Variants in ST6GALNAC3 observed in about 807,000 individuals in gnomAD.
ST6GALNAC3 encodes alpha-N-acetylgalactosaminide alpha-2,6-sialyltransferase 3.
A neutral mutation model predicts 32.7 loss-of-function variants in ST6GALNAC3; 25 were observed. The ratio of observed to expected loss-of-function variants is 0.76; its 90% CI spans 0.56 to 1.07. The LOEUF is 1.07. Among genes scored for constraint, ST6GALNAC3 ranks in the 50% least tolerant of loss-of-function variants. ST6GALNAC3 has a pLI of 0.00. For synonymous variants in ST6GALNAC3, 129 were observed against 133.1 expected (o/e 0.97, Z 0.21); for missense variants, 355 against 382.4 (o/e 0.93, Z 0.60).
intron 1 of ST6GALNAC3, among the ~76,000 whole-genome samples, chr1:76,291,120 C>T (rs763653754): frequency 1.3e-5 from 2 of 152,160 alleles, no homozygotes; most frequent in South Asian, 2.1e-4. Flanking sequence ...TCTAAGTGAC[C>T]GCCATAACTT....
rs192584092 is a variant in ST6GALNAC3 at position 76,214,012 on chromosome 1, C to T, written c.19-99793C>T. On this transcript the variant is annotated intron_variant, in intron 1 of 4. Transcript: ENST00000328299. Reference sequence around the variant, plus strand: ...GGATTAAATATAATTGAAAGAAACCCAAGAAAGAGCAAAAAGCAAAGGCTA... The same window carrying T: ...GGATTAAATATAATTGAAAGAAACCTAAGAAAGAGCAAAAAGCAAAGGCTA... Among the ~76,000 whole-genome samples, 322 of 152,096 alleles carry T rather than the reference C, an allele frequency of 2.1e-3. 2 individuals carry two copies. Among genetic ancestry groups the T allele is most frequent in the Non-Finnish European group, 3.0e-3 (201 of 67,976 alleles).
intron 3 of ST6GALNAC3, among the ~76,000 whole-genome samples, chr1:76,465,371 G>A (rs1031522840): frequency 1.3e-5 from 2 of 152,132 alleles, no homozygotes; most frequent in African/African-American, 4.8e-5. Flanking sequence ...AGTAGGTTAA[G>A]GACTGGGACT....
chr1:76,488,827 T>C (rs970390074), intron 3 of ST6GALNAC3, among the ~76,000 whole-genome samples: 2 of 152,180 alleles, frequency 1.3e-5, no homozygotes, highest in African/African-American at 4.8e-5. Context: ...CTGGGACTGC[T>C]ATTTTCCAAG....
chr1:76,566,718 G>A (rs940233846), intron 3 of ST6GALNAC3, among the ~76,000 whole-genome samples: 10 of 152,032 alleles, frequency 6.6e-5, no homozygotes, highest in East Asian at 1.9e-4. Flanking sequence ...TCTCTTGCCC[G>A]GTTTAATTCT....
intron 1 of ST6GALNAC3, among the ~76,000 whole-genome samples, chr1:76,093,534 G>T (rs946561718): frequency 4.6e-5 from 7 of 152,202 alleles, no homozygotes; most frequent in African/African-American, 1.7e-4. Flanking sequence ...GTGTGGTCAC[G>T]AAAGGAATCA....
At chr1:76,170,166 G>T (rs752401601) in intron 1 of ST6GALNAC3, among the ~76,000 whole-genome samples, 16 of 152,158 alleles carry the variant, frequency 1.1e-4, no homozygotes, top group Non-Finnish European at 1.9e-4. Context: ...CTTCTATTGG[G>T]CCCCAGCTTT....
intron 1 of ST6GALNAC3, among the ~76,000 whole-genome samples, chr1:76,185,719 AC>A: frequency 6.6e-6 from 1 of 152,150 alleles, no homozygotes; most frequent in Non-Finnish European, 1.5e-5. Flanking sequence ...AGACGAACAG[AC>A]CAGACATGGT....
intron 3 of ST6GALNAC3, among the ~76,000 whole-genome samples, chr1:76,491,678 A>G (rs1011532196): frequency 7.2e-5 from 11 of 152,134 alleles, no homozygotes; most frequent in African/African-American, 1.7e-4. Context: ...CCAGTTCACT[A>G]TATCTCCCCA....
At chr1:76,238,834 G>A (rs772901369) in intron 1 of ST6GALNAC3, among the ~76,000 whole-genome samples, 1 of 151,936 alleles carries the variant, frequency 6.6e-6, no homozygotes, top group African/African-American at 2.4e-5. Context: ...TACTGACAAC[G>A]TCTAGGGATT....
At chr1:76,205,466 C>A (rs1169167365) in intron 1 of ST6GALNAC3, among the ~76,000 whole-genome samples, 1 of 151,970 alleles carries the variant, frequency 6.6e-6, no homozygotes, top group African/African-American at 2.4e-5. Context: ...GACCTTGGGG[C>A]CAAAAGGCTG....
At chr1:76,322,330 A>AT (rs1557785392) in intron 2 of ST6GALNAC3, among the ~76,000 whole-genome samples, 1 of 152,182 alleles carries the variant, frequency 6.6e-6, no homozygotes, top group Non-Finnish European at 1.5e-5. Context: ...AAAAGTGCTT[A>AT]TTCTGTTCCA....
chr1:76,374,846 T>C (rs34926311), intron 2 of ST6GALNAC3, among the ~76,000 whole-genome samples: 3,347 of 152,308 alleles, frequency 0.022, 53 homozygotes, highest in Non-Finnish European at 0.033. Flanking sequence ...AATACACCAT[T>C]GCAAGAGCTG....
chr1:76,237,898 G>A (rs2100657036), intron 1 of ST6GALNAC3, among the ~76,000 whole-genome samples: 1 of 152,220 alleles, frequency 6.6e-6, no homozygotes, highest in Non-Finnish European at 1.5e-5. Context: ...CACTTGCCTG[G>A]ATATGAAATA....
intron 3 of ST6GALNAC3, among the ~76,000 whole-genome samples, chr1:76,465,163 A>G (rs949549231): frequency 6.6e-6 from 1 of 152,166 alleles, no homozygotes. Flanking sequence ...GTGACTAACA[A>G]TCAAAAATAG....
intron 2 of ST6GALNAC3, among the ~76,000 whole-genome samples, chr1:76,357,775 C>G (rs1288625233): frequency 6.6e-6 from 1 of 152,142 alleles, no homozygotes. Context: ...GGAATGATAA[C>G]AAAGTGCTCA....
intron 3 of ST6GALNAC3, among the ~76,000 whole-genome samples, chr1:76,553,095 A>T (rs1001144041): frequency 3.7e-4 from 56 of 152,344 alleles, no homozygotes. Context: ...ATTGGTAATC[A>T]ATAGTGTTTC....
chr1:76,477,547 A>G (rs947898604), intron 3 of ST6GALNAC3, among the ~76,000 whole-genome samples: 5 of 152,164 alleles, frequency 3.3e-5, no homozygotes, highest in African/African-American at 4.8e-5. Flanking sequence ...TCACCAATCC[A>G]GTCATGAGGG....
At chr1:76,208,179 T>C (rs1654939866) in intron 1 of ST6GALNAC3, among the ~76,000 whole-genome samples, 1 of 152,188 alleles carries the variant, frequency 6.6e-6, no homozygotes, top group South Asian at 2.1e-4. Context: ...GGGCCTGCCC[T>C]CCTGAGGTCT....
chr1:76,330,438 G>A (rs1323914932), intron 2 of ST6GALNAC3, among the ~76,000 whole-genome samples: 1 of 152,236 alleles, frequency 6.6e-6, no homozygotes, highest in Non-Finnish European at 1.5e-5. Context: ...TTACAGGCGT[G>A]AGCCCGTGCC....
Sources: gnomAD v4.1 joint callset for allele counts (sites outside exome capture counted in the v4.1 genomes callset) on GRCh38, gnomAD v4.1.1 for gene constraint, MANE v1.5 for transcripts, NCBI Gene and HGNC (gene_info 2026-07-23, HGNC 2026-07-21) for gene names.